The following SPTBN1 variants were observed in gnomAD, a reference collection of about 807,000 sequenced individuals.
SPTBN1 encodes spectrin beta chain, non-erythrocytic 1.
SPTBN1 carries 32 observed loss-of-function variants against 266.4 expected under a neutral mutation model. The observed-to-expected ratio is 0.12, with a 90% CI of 0.09 to 0.16. SPTBN1 has a LOEUF of 0.16. Among genes scored for constraint, SPTBN1 ranks in the 10% least tolerant of loss-of-function variants. The pLI, the probability that SPTBN1 is intolerant of heterozygous loss-of-function variation, is 1.00. For missense variants in SPTBN1, 2,296 were observed against 3,067.1 expected (o/e 0.75, Z 5.94); for synonymous variants, 1,336 against 1,162.2 (o/e 1.15, Z -3.04).
intron 1 of SPTBN1, among the ~76,000 whole-genome samples, chr2:54,487,978 T>C (rs931322931): frequency 6.6e-6 from 1 of 151,812 alleles, no homozygotes; most frequent in Non-Finnish European, 1.5e-5. Flanking sequence ...TATAGGCGCC[T>C]GCCACCACAC....
In SPTBN1 at chr2:54,651,674, A is replaced by T. The variant is rs192141506; in HGVS notation, c.5577+1685A>T. Among the ~76,000 whole-genome samples the T allele has an allele frequency of 2.4e-3, 372 of 152,290 alleles. 1 individual carries two copies. Among genetic ancestry groups the T allele is most frequent in the Non-Finnish European group, 4.2e-3 (285 of 68,016 alleles). Reference sequence around the variant, plus strand: ...GCTGTCCTCTTGTACCTTACATTTTATTGCGAGCAAATTGAAAACAGCCAG... The same window carrying T: ...GCTGTCCTCTTGTACCTTACATTTTTTTGCGAGCAAATTGAAAACAGCCAG... On this transcript the variant is annotated intron_variant, in intron 26 of 35. Coordinates refer to ENST00000356805, the MANE Select transcript of SPTBN1 (RefSeq NM_003128.3).
rs756389249 is a variant in SPTBN1, at chr2:54,653,687, G to A, written c.5656G>A (p.Glu1886Lys). Residue 1886 changes from glutamate to lysine, a missense_variant, in exon 27 of 36, where the codon GAG becomes AAG. Glu to Lys is a moderately conservative substitution (Grantham distance 56). Coordinates refer to ENST00000356805, the MANE Select transcript of SPTBN1 (RefSeq NM_003128.3). This position sits in a 1 kb window ranked among gnomAD's most constrained non-coding sequence, Gnocchi z 5.1. Reference sequence around the variant, plus strand: ...CAAGGCCGACGATATCCAGAAGCGCGAGAACGAGGTCCTGGAAGCCTGGAA... The same window carrying A: ...CAAGGCCGACGATATCCAGAAGCGCAAGAACGAGGTCCTGGAAGCCTGGAA... ...GDKADDIQKR[E>K]NEVLEAWKSL... is the part of the protein sequence containing the mutation. 4 of 1,614,176 alleles carry A rather than the reference G, an allele frequency of 2.5e-6. No individual in the cohort carries two copies. The highest frequency in any genetic ancestry group is 3.4e-6 in the Non-Finnish European group (4 of 1,180,018).
At chr2:54,494,493 A>G (rs1314012676) in intron 1 of SPTBN1, among the ~76,000 whole-genome samples, 2 of 152,224 alleles carry the variant, frequency 1.3e-5, no homozygotes, top group Admixed American at 6.5e-5. Flanking sequence ...AACAACCTAC[A>G]TGTCCATCAT....
chr2:54,496,439 T>TTAA (rs565974453), intron 1 of SPTBN1, among the ~76,000 whole-genome samples: 2,932 of 126,344 alleles, frequency 0.023, 105 homozygotes, highest in East Asian at 0.13. Context: ...CTCCGTGTCT[T>TTAA]AAAAAAAAAA....
At chr2:54,633,433 G>GTGTC (rs35720306) in intron 17 of SPTBN1, among the ~76,000 whole-genome samples, 40,128 of 151,754 alleles carry the variant, frequency 0.26, 6,545 homozygotes, top group Admixed American at 0.34. Context: ...GTGCGTGTGT[G>GTGTC]TGTCTGTCTG....
chr2:54,623,497 C>G lies in SPTBN1; in HGVS notation c.1083C>G (p.Asn361Lys). 6.2e-7 allele frequency: 1 copy of G among 1,614,052 alleles called. No homozygotes were observed. Among genetic ancestry groups the G allele is most frequent in the Non-Finnish European group, 8.5e-7 (1 of 1,179,992 alleles). Residue 361 changes from asparagine to lysine, a missense_variant, in exon 10 of 36, where the codon AAC (asparagine) becomes AAG (lysine). Transcript: ENST00000356805. ...EKPPKFTEKG[N>K]LEVLLFTIQS... ...TGTTTAGATTTACTGAGAAGGGGAACTTGGAAGTGCTGCTCTTCACCATTC... is the reference window on the plus strand; with the variant it reads ...TGTTTAGATTTACTGAGAAGGGGAAGTTGGAAGTGCTGCTCTTCACCATTC...
chr2:54,519,940 C>G (rs1010175421), intron 1 of SPTBN1, among the ~76,000 whole-genome samples: 1 of 152,082 alleles, frequency 6.6e-6, no homozygotes, highest in African/African-American at 2.4e-5. Context: ...TGCCATTCAG[C>G]GAGGGAGTGG....
chr2:54,630,121 A>G, intron 15 of SPTBN1, 92 bp downstream of exon 15: 2 of 1,496,952 alleles, frequency 1.3e-6, no homozygotes, highest in Non-Finnish European at 1.8e-6. Flanking sequence ...GGAATTTCCC[A>G]CATGGGGTCA....
intron 32 of SPTBN1, chr2:54,662,009 A>C (rs931107527): frequency 4.1e-6 from 4 of 985,340 alleles, no homozygotes; most frequent in Non-Finnish European, 4.8e-6. Context: ...GTGAACTTGA[A>C]AATAGCATTG....
chr2:54,646,116 C>A lies in SPTBN1; in HGVS notation c.4585-78C>A. 1.2e-6 allele frequency: 2 copies of A among 1,600,046 alleles called. No homozygotes were observed. Among genetic ancestry groups the A allele is most frequent in the South Asian group, 2.2e-5 (2 of 89,082 alleles). ...AGCTTTGAAGCCTTGCTATTTCTTTCTGGCCCTAACAGCTTGACATAAGCA... is the reference window on the plus strand; with the variant it reads ...AGCTTTGAAGCCTTGCTATTTCTTTATGGCCCTAACAGCTTGACATAAGCA... On this transcript the variant is annotated intron_variant, in intron 22 of 35. Coordinates refer to ENST00000356805, the MANE Select transcript of SPTBN1 (RefSeq NM_003128.3). This position sits in a 1 kb window ranked among gnomAD's most constrained non-coding sequence, Gnocchi z 4.4.
chr2:54,581,667 C>G (rs1247444369), intron 2 of SPTBN1, among the ~76,000 whole-genome samples: 1 of 140,550 alleles, frequency 7.1e-6, no homozygotes, highest in Non-Finnish European at 1.5e-5. Flanking sequence ...AGAAAACTGT[C>G]CCAAACCTGA....
intron 19 of SPTBN1, among the ~76,000 whole-genome samples, chr2:54,643,819 A>T (rs140222191): frequency 9.8e-4 from 149 of 152,228 alleles, no homozygotes; most frequent in African/African-American, 3.4e-3. Context: ...CCCCATCTCT[A>T]TGAAGCATAC....
chr2:54,652,700 TAC>T (rs1680378023), intron 26 of SPTBN1: 1 of 152,256 alleles, frequency 6.6e-6, no homozygotes, highest in African/African-American at 2.4e-5. Context: ...CACTCCTGTC[TAC>T]AGAGAATGAG....
chr2:54,591,309 C>T (rs968868535), intron 2 of SPTBN1, among the ~76,000 whole-genome samples: 1 of 152,092 alleles, frequency 6.6e-6, no homozygotes. Flanking sequence ...TTGCTTCCTC[C>T]CCTTTTGATT....
chr2:54,623,863 C>A, intron 10 of SPTBN1, among the ~76,000 whole-genome samples: 1 of 152,216 alleles, frequency 6.6e-6, no homozygotes, highest in African/African-American at 2.4e-5. Flanking sequence ...AGATACATAT[C>A]ACTTTACTTC....
rs1401546141 is a variant in SPTBN1 at position 54,670,267 on chromosome 2, T to G, written c.*1698T>G. ...GGCCCATGGGCCATAGTTTGCTGACTTCAGCATAGAGTCGTGGGTTATTTA... is the reference window on the plus strand; with the variant it reads ...GGCCCATGGGCCATAGTTTGCTGACGTCAGCATAGAGTCGTGGGTTATTTA... On this transcript the variant is annotated 3_prime_UTR_variant, in exon 36 of 36. Transcript: ENST00000356805. The G allele has an allele frequency of 6.4e-6, 1 of 156,514 alleles. No homozygotes were observed. Among genetic ancestry groups the G allele is most frequent in the Non-Finnish European group, 1.4e-5 (1 of 71,322 alleles). 9.7% of individuals were successfully genotyped at this position (156,514 alleles called of 1,614,324 possible).
chr2:54,519,184 C>T (rs1350261504), intron 1 of SPTBN1, among the ~76,000 whole-genome samples: 3 of 152,142 alleles, frequency 2.0e-5, no homozygotes, highest in African/African-American at 7.2e-5. Flanking sequence ...CCTGTCCAGG[C>T]AGCCCATTTA....
Position 54,645,294 on chromosome 2 carries a change from C to G in SPTBN1, c.4335C>G (p.Ala1445=), listed in dbSNP as rs762648398. 1 of 1,614,044 alleles carries G rather than the reference C, an allele frequency of 6.2e-7. No homozygotes were observed. Among genetic ancestry groups the G allele is most frequent in the Non-Finnish European group, 8.5e-7 (1 of 1,180,042 alleles). The part of the protein sequence containing the change: ...EIEELQSQAQ[A]LSQEGKSTDE... ...AAGAGCTCCAAAGCCAAGCCCAGGC[C>G]CTGAGTCAGGAAGGGAAGAGCACCG... Residue 1445 remains alanine, a synonymous_variant, in exon 21 of 36, where the codon GCC becomes GCG. Transcript: ENST00000356805. The surrounding 1 kb of genome is among the most constrained non-coding windows in gnomAD (Gnocchi z 4.3).
intron 1 of SPTBN1, among the ~76,000 whole-genome samples, chr2:54,522,697 G>A (rs149612052): frequency 0.26 from 25,831 of 97,668 alleles, 4,171 homozygotes; most frequent in African/African-American, 0.46. Flanking sequence ...GAGAGAGAGA[G>A]AGAAAGAAAG....
Sources: allele counts gnomAD v4.1 joint callset (sites outside exome capture counted in the v4.1 genomes callset), GRCh38; gene constraint gnomAD v4.1.1; non-coding constraint Gnocchi (gnomAD v3.1); transcripts MANE v1.5; gene names NCBI Gene and HGNC (gene_info 2026-07-23, HGNC 2026-07-21).